The following PRR11 variants were observed in gnomAD, a reference collection of about 807,000 sequenced individuals.
PRR11 encodes the protein proline rich 11.
Under a neutral mutation model 45.6 loss-of-function variants are expected in PRR11, and 30 were observed. The ratio of observed to expected loss-of-function variants is 0.66; its 90% confidence interval spans 0.49 to 0.89. PRR11 has a LOEUF of 0.89. PRR11 is among the 40% of genes least tolerant of loss of function. The pLI is 0.00. For missense variants in PRR11, 373 were observed against 424.8 expected, an observed-to-expected ratio of 0.88 and a Z score of 1.07; for synonymous variants, 128 against 153.5, an observed-to-expected ratio of 0.83 and a Z score of 1.23.
intron 1 of PRR11, among the ~76,000 whole-genome samples, chr17:59,164,551 A>G (rs1463245964): frequency 6.6e-6 from 1 of 152,078 alleles, no homozygotes; most frequent in African/African-American, 2.4e-5. Flanking sequence ...TGGAAGACAA[A>G]GAAAAGGAAG....
chr17:59,162,296 A>G (rs1238303975), intron 1 of PRR11, among the ~76,000 whole-genome samples: 9 of 152,022 alleles, frequency 5.9e-5, no homozygotes, highest in African/African-American at 1.9e-4. Context: ...GTTCCTAGAC[A>G]TCTTTATCAT....
chr17:59,179,848 C>T, intron 2 of PRR11: 2 of 1,344,882 alleles, frequency 1.5e-6, no homozygotes, highest in Non-Finnish European at 1.0e-6. Context: ...AGCAAAGGGA[C>T]CCACACAGGG....
intron 5 of PRR11, 45 bp from the exon 6 acceptor site, chr17:59,194,712 T>C: frequency 6.9e-7 from 1 of 1,459,376 alleles, no homozygotes; most frequent in Non-Finnish European, 9.5e-7. Flanking sequence ...TTTCACCAGT[T>C]GTGCTGGTTC....
chr17:59,185,113 A>G lies in PRR11; in HGVS notation c.188A>G (p.Asn63Ser), dbSNP rs1339822178. Residue 63 changes from asparagine (N) to serine (S), a missense_variant, in exon 3 of 10, where the codon AAC (asparagine) becomes AGC (serine). Physicochemically the swap from Asn to Ser is conservative, Grantham distance 46. Coordinates refer to ENST00000262293, the MANE Select transcript of PRR11 (RefSeq NM_018304.4). ...QSRSWLTSSW[N>S]FNFPNIRDAI... ...AGAAGCTGGCTAACATCATCCTGGAACTTCAATTTTCCTAACATCAGAGAT... is the reference window on the plus strand; with the variant it reads ...AGAAGCTGGCTAACATCATCCTGGAGCTTCAATTTTCCTAACATCAGAGAT... 1.9e-6 allele frequency: 3 copies of G among 1,613,684 alleles called. No individual in the cohort carries two copies. The highest frequency in any genetic ancestry group is 2.5e-6 in the Non-Finnish European group (3 of 1,179,742).
At chr17:59,162,457 A>G (rs1438152464) in intron 1 of PRR11, among the ~76,000 whole-genome samples, 1 of 152,200 alleles carries the variant, frequency 6.6e-6, no homozygotes, top group Non-Finnish European at 1.5e-5. Flanking sequence ...CTAATGGTAC[A>G]TACCAAAGTT....
At position 59,201,608 on chromosome 17, in the gene PRR11, A is replaced by G. The variant is rs2046892766; in HGVS notation, c.1060A>G (p.Ser354Gly). Residue 354 changes from serine (S) to glycine (G), a missense_variant, in exon 10 of 10, where the codon AGC becomes GGC. Ser to Gly is a moderately conservative substitution (Grantham distance 56, BLOSUM62 0). Coordinates refer to ENST00000262293, the MANE Select transcript of PRR11 (RefSeq NM_018304.4). Reference protein sequence around the residue: ...SPTPTLPLSTSSFDEQN With the variant: ...SPTPTLPLSTGSFDEQN ...AACTCCAACTCTGCCACTTTCTACA[A>G]GCAGCTTTGATGAACAAAACTGATG... is the stretch of plus-strand genomic sequence containing the variant. 4.3e-6 allele frequency: 7 copies of G among 1,613,682 alleles called. No homozygotes were observed. The East Asian group carries it at 1.6e-4, about 36-fold the overall frequency.
rs750855515 is a variant in PRR11 at position 59,201,559 on chromosome 17, A to G, written c.1015-4A>G. 3.8e-6 allele frequency: 6 copies of G among 1,598,876 alleles called. No individual in the cohort carries two copies. The highest frequency in any genetic ancestry group is 3.5e-5 in the Admixed American group (2 of 57,582). ...ATTATAATTGGGACTTTTTTTTTTT[A>G]TAGCTGGCTCACCCTAGAAGCCCAA... On this transcript the variant is annotated splice_region_variant and splice_polypyrimidine_tract_variant and intron_variant, in intron 9 of 9. Coordinates refer to ENST00000262293, the MANE Select transcript of PRR11 (RefSeq NM_018304.4).
intron 1 of PRR11, among the ~76,000 whole-genome samples, chr17:59,162,158 A>C (rs529174702): frequency 6.6e-6 from 1 of 151,720 alleles, no homozygotes; most frequent in African/African-American, 2.4e-5. Flanking sequence ...TGCATGTGCC[A>C]ATTACTGTAT....
At chr17:59,157,109 A>G (rs187681768) in intron 1 of PRR11, among the ~76,000 whole-genome samples, 13 of 152,236 alleles carry the variant, frequency 8.5e-5, no homozygotes, top group African/African-American at 3.1e-4. Context: ...CTCCCTAACC[A>G]AGAGAATTTG....
rs2046899690 is a variant in PRR11 at position 59,202,939 on chromosome 17, TGGGA to T, written c.*1311_*1314del. The T allele has an allele frequency of 1.3e-5, 2 of 151,834 alleles. No homozygotes were observed. Among genetic ancestry groups the T allele is most frequent in the South Asian group, 4.2e-4 (2 of 4,810 alleles). The allele number at this position is 151,834 out of a possible 1,614,324, so 9.4% of individuals were successfully genotyped here. ...GTCCAAGTTACTTGTGAAGCTGAGG[TGGGA>T]GGATCACTTGAGCCCAAGAGTTTGA... On this transcript the variant is annotated 3_prime_UTR_variant, in exon 10 of 10. Transcript: ENST00000262293.
intron 9 of PRR11, 87 bp from the exon 10 acceptor site, chr17:59,201,476 A>G: frequency 3.5e-6 from 5 of 1,411,208 alleles, no homozygotes; most frequent in South Asian, 1.2e-5. Flanking sequence ...TTGCCATGCA[A>G]AAATTCTGGG....
Position 59,185,480 on chromosome 17 carries a change from T to TACAG in PRR11, c.320_321insACAG (p.Cys108GlnfsTer19). 1 of 1,603,172 alleles carries TACAG rather than the reference T, an allele frequency of 6.2e-7. No individual in the cohort carries two copies. Among genetic ancestry groups the TACAG allele is most frequent in the East Asian group, 2.2e-5 (1 of 44,632 alleles). On this transcript the variant is annotated frameshift_variant, in exon 4 of 10. Transcript: ENST00000262293. LOFTEE classifies it high-confidence loss of function. ...AAAGACACCATCTTTCCATCTCGTATCTGCCACCGAGAACTTTACAGTGTA... is the reference window on the plus strand; with the variant it reads ...AAAGACACCATCTTTCCATCTCGTATACAGCTGCCACCGAGAACTTTACAGTGTA...
At chr17:59,181,970 T>C (rs2046789427) in intron 2 of PRR11, among the ~76,000 whole-genome samples, 1 of 151,586 alleles carries the variant, frequency 6.6e-6, no homozygotes, top group Non-Finnish European at 1.5e-5. Context: ...CTTCATGTCC[T>C]TCCCTGGTCC....
intron 9 of PRR11, among the ~76,000 whole-genome samples, chr17:59,198,785 C>A (rs2046878776): frequency 6.6e-6 from 1 of 151,762 alleles, no homozygotes; most frequent in African/African-American, 2.4e-5. Context: ...TGCAGTGAGC[C>A]AAGACTGCAC....
At chr17:59,193,004 C>T (rs1005224252) in intron 4 of PRR11, among the ~76,000 whole-genome samples, 8 of 152,206 alleles carry the variant, frequency 5.3e-5, no homozygotes, top group Non-Finnish European at 7.3e-5. Flanking sequence ...AATATCACTT[C>T]CCAAGCCTCC....
At chr17:59,158,011 G>A (rs2046634399) in intron 1 of PRR11, among the ~76,000 whole-genome samples, 1 of 152,154 alleles carries the variant, frequency 6.6e-6, no homozygotes, top group Admixed American at 6.5e-5. Flanking sequence ...AGTTTTGAAA[G>A]GCATGCTAAG....
intron 1 of PRR11, among the ~76,000 whole-genome samples, chr17:59,165,045 G>C (rs1406416948): frequency 6.6e-6 from 1 of 151,748 alleles, no homozygotes; most frequent in African/African-American, 2.4e-5. Flanking sequence ...TTTTGAGACA[G>C]AGTCTCGCTC....
At chr17:59,175,700 C>T (rs1275717945) in intron 2 of PRR11, among the ~76,000 whole-genome samples, 1 of 152,092 alleles carries the variant, frequency 6.6e-6, no homozygotes, top group African/African-American at 2.4e-5. Flanking sequence ...CGAGATTGGG[C>T]CACTCCATTC....
Position 59,202,457 on chromosome 17 carries a change from T to G in PRR11, c.*826T>G, listed in dbSNP as rs1366923945. On this transcript the variant is annotated 3_prime_UTR_variant, in exon 10 of 10. Transcript: ENST00000262293. ...GACACATGCCTATAGTCCCAGCTAC[T>G]TAGGAAGCTGAGAAGGGAGGATCAC... The G allele has an allele frequency of 1.3e-5, 2 of 152,192 alleles. No homozygotes were observed. The highest frequency in any genetic ancestry group is 4.8e-5 in the African/African-American group (2 of 41,522). 9.4% of individuals were successfully genotyped at this position (152,192 alleles called of 1,614,324 possible). A position where few individuals can be genotyped will look rare whatever the true frequency, so the allele number is the denominator to read the frequency against.
Sources: gnomAD v4.1 joint callset for allele counts (sites outside exome capture counted in the v4.1 genomes callset) on GRCh38, gnomAD v4.1.1 for gene constraint, MANE v1.5 for transcripts, NCBI Gene and HGNC (gene_info 2026-07-23, HGNC 2026-07-21) for gene names.